PP2D1: variants seen among roughly 807,000 people sequenced by gnomAD.
PP2D1 encodes protein phosphatase 2C-like domain-containing protein 1.
In PP2D1, 25 loss-of-function variants were observed where a neutral mutation model predicts 30.2. The ratio of observed to expected loss-of-function variants is 0.83; its 90% CI spans 0.60 to 1.16. The LOEUF (loss-of-function observed/expected upper bound fraction) is 1.16. Ranked by LOEUF, PP2D1 falls within the 50% of genes most tolerant of loss-of-function variation. PP2D1 has a pLI of 0.00. For synonymous variants in PP2D1, 260 were observed against 258.9 expected, an observed-to-expected ratio of 1.00 and a Z score of -0.04; for missense variants, 760 against 742.4, an observed-to-expected ratio of 1.02 and a Z score of -0.28.
At chr3:19,990,841 AT>A (rs1697110855) in intron 2 of PP2D1, among the ~76,000 whole-genome samples, 2 of 151,204 alleles carry the variant, frequency 1.3e-5, no homozygotes, top group Non-Finnish European at 2.9e-5. Context: ...GTAGAGGAAG[AT>A]TATTAAATAT....
At chr3:20,011,280 G>C (rs1167429693) in intron 1 of PP2D1, among the ~76,000 whole-genome samples, 1 of 152,060 alleles carries the variant, frequency 6.6e-6, no homozygotes, top group Non-Finnish European at 1.5e-5. Context: ...TATTTTAATT[G>C]CTATTTTTTG....
At chr3:19,983,633 A>G, downstream of PP2D1, 2 of 1,016,754 alleles carry the variant, frequency 2.0e-6, no homozygotes, top group Non-Finnish European at 3.0e-6. Context: ...GGAAAGAAAA[A>G]TTATAGATAA....
intron 2 of PP2D1, among the ~76,000 whole-genome samples, chr3:19,992,249 G>A (rs1697127644): frequency 6.6e-6 from 1 of 152,082 alleles, no homozygotes; most frequent in African/African-American, 2.4e-5. Context: ...TACCCCTAAA[G>A]CCTAACTATA....
At chr3:19,990,308 C>G (rs1697100320) in intron 2 of PP2D1, among the ~76,000 whole-genome samples, 1 of 152,050 alleles carries the variant, frequency 6.6e-6, no homozygotes, top group Non-Finnish European at 1.5e-5. Context: ...CCACACCTGG[C>G]TAATTTCTGC....
At chr3:19,992,542 A>C (rs1449692430) in intron 2 of PP2D1, among the ~76,000 whole-genome samples, 1 of 152,218 alleles carries the variant, frequency 6.6e-6, no homozygotes, top group Non-Finnish European at 1.5e-5. Context: ...ACACCCATGG[A>C]AACAATCACA....
At chr3:19,986,461 A>C (rs1697036502) in intron 2 of PP2D1, among the ~76,000 whole-genome samples, 1 of 152,238 alleles carries the variant, frequency 6.6e-6, no homozygotes. Context: ...GTAACTTCTA[A>C]ATTTTGAAAT....
intron 2 of PP2D1, among the ~76,000 whole-genome samples, chr3:19,989,481 A>C (rs554734206): frequency 5.3e-5 from 8 of 152,356 alleles, no homozygotes; most frequent in African/African-American, 1.9e-4. Context: ...CATAGTTCTA[A>C]AGGCTATATG....
rs1697260031 is a variant in PP2D1 at position 20,001,914 on chromosome 3, C to T, written c.206G>A (p.Cys69Tyr). The T allele has an allele frequency of 6.5e-7, 1 of 1,536,434 alleles. No homozygotes were observed. The highest frequency in any genetic ancestry group is 1.2e-5 in the South Asian group (1 of 84,050). ...EQGTTLPCSI[C>Y]KHEIDLTGIF... ...ACCAGTTAGGTCAATTTCGTGCTTG[C>T]ATATGGAACAGGGTAATGTGGTCCC... is the stretch of plus-strand genomic sequence containing the variant. The change falls in exon 2 of 3, where the codon TGC (cysteine) becomes TAC (tyrosine). Residue 69 changes from cysteine to tyrosine, a missense_variant. Cys to Tyr is a radical substitution (Grantham distance 194). Transcript: ENST00000389050.
intron 2 of PP2D1, among the ~76,000 whole-genome samples, chr3:19,988,689 G>A (rs1036595000): frequency 9.2e-5 from 14 of 152,092 alleles, no homozygotes; most frequent in African/African-American, 3.1e-4. Flanking sequence ...GGGGCATCAC[G>A]GAACCTGCTG....
In PP2D1 at chr3:20,012,110, C is replaced by T; in HGVS notation, c.-38G>A. The stretch of plus-strand genomic sequence containing the variant: ...TTACCTTTCTTTGCCCTCCCTTTAT[C>T]CCCTTCCCCTGGCCTCTATTTCTCC... On this transcript the variant is annotated 5_prime_UTR_variant, in exon 1 of 3. Coordinates refer to ENST00000389050, the MANE Select transcript of PP2D1 (RefSeq NM_001252657.2). The T allele has an allele frequency of 6.6e-7, 1 of 1,508,304 alleles. No individual in the cohort carries two copies. The highest frequency in any genetic ancestry group is 8.9e-7 in the Non-Finnish European group (1 of 1,123,830). 93.4% of individuals were successfully genotyped at this position (1,508,304 alleles called of 1,614,324 possible).
chr3:20,003,100 G>T (rs1047979796), intron 1 of PP2D1, among the ~76,000 whole-genome samples: 1 of 151,708 alleles, frequency 6.6e-6, no homozygotes, highest in Non-Finnish European at 1.5e-5. Context: ...TGTACAGAAC[G>T]TAATACCTGA....
At chr3:19,998,212 C>G (rs765760003) in intron 2 of PP2D1, among the ~76,000 whole-genome samples, 1 of 152,090 alleles carries the variant, frequency 6.6e-6, no homozygotes, top group Non-Finnish European at 1.5e-5. Flanking sequence ...CACCTGTTAT[C>G]CCAGCTACTC....
At position 20,001,654 on chromosome 3, in the gene PP2D1, T is replaced by A; in HGVS notation, c.466A>T (p.Ser156Cys). The A allele has an allele frequency of 1.3e-6, 2 of 1,536,100 alleles. No homozygotes were observed. The highest frequency in any genetic ancestry group is 3.3e-4 in the Middle Eastern group (2 of 5,990). The change falls in exon 2 of 3, where the codon AGT becomes TGT. Residue 156 changes from serine (S) to cysteine (C), a missense_variant. This residue lies in a region of PP2D1 where 374 missense variants were observed against 388.8 expected (regional missense o/e 0.96). Coordinates refer to ENST00000389050, the MANE Select transcript of PP2D1 (RefSeq NM_001252657.2). ...CATATTTTTTGAGAATATATGACAC[T>A]CCTGTCAATGTTATCAAAAATCTTA... ...YYKIFDNIDRSVIYSQKICHL... is the reference protein window; with the variant it reads ...YYKIFDNIDRCVIYSQKICHL...
chr3:20,001,240 C>T lies in PP2D1; in HGVS notation c.880G>A (p.Asp294Asn). The change falls in exon 2 of 3, where the codon GAT becomes AAT. Residue 294 changes from aspartate (D) to asparagine (N), a missense_variant. Around this residue, in one of 3 missense-constraint regions of PP2D1, gnomAD observed 374 missense variants for 388.8 expected, o/e 0.96. Transcript: ENST00000389050. ...KAFAKAFWRM[D>N]RLLGLGRKEV... ...TTTCTTCCAAGACCTAAAAGCCTAT[C>T]CATTCTCCAAAATGCTTTTGCAAAG... 1 of 1,536,054 alleles carries T rather than the reference C, an allele frequency of 6.5e-7. No individual in the cohort carries two copies. The highest frequency in any genetic ancestry group is 8.7e-7 in the Non-Finnish European group (1 of 1,146,858).
chr3:19,988,949 A>G lies in PP2D1; in HGVS notation c.1091-2767T>C, dbSNP rs141602733. Among the ~76,000 whole-genome samples the G allele has an allele frequency of 3.4e-4, 51 of 151,770 alleles. No homozygotes were observed. In the East Asian group the frequency reaches 9.2e-3, roughly 27 times the overall value. Reference sequence around the variant, plus strand: ...TGCAGTAATACGAAGTCACGCCACTACACTCCAGCCTGGGTGACAAAGCAA... The same window carrying G: ...TGCAGTAATACGAAGTCACGCCACTGCACTCCAGCCTGGGTGACAAAGCAA... On this transcript the variant is annotated intron_variant, in intron 2 of 2. Transcript: ENST00000389050.
Position 19,985,453 on chromosome 3 carries a change from A to G in PP2D1, c.1820T>C (p.Leu607Pro). 8 of 1,536,160 alleles carry G rather than the reference A, an allele frequency of 5.2e-6. No individual in the cohort carries two copies. Among genetic ancestry groups the G allele is most frequent in the South Asian group, 1.2e-5 (1 of 84,062 alleles). Residue 607 changes from leucine (L) to proline (P), a missense_variant, in exon 3 of 3, where the codon CTG becomes CCG. By Grantham distance (98) the Leu-to-Pro change is moderately conservative (BLOSUM62 -3). This residue lies in a region of PP2D1 where 369 missense variants were observed against 316.2 expected (regional missense o/e 1.17). Transcript: ENST00000389050. ...VSHELVNAAL[L>P]AGSRDNITVM... ...TGTAATGTTGTCTCTGGAGCCAGCCAGTAAAGCAGCATTTACAAGTTCATG... is the reference window on the plus strand; with the variant it reads ...TGTAATGTTGTCTCTGGAGCCAGCCGGTAAAGCAGCATTTACAAGTTCATG...
chr3:19,991,972 A>G (rs1359689171), intron 2 of PP2D1, among the ~76,000 whole-genome samples: 2 of 152,210 alleles, frequency 1.3e-5, no homozygotes, highest in Non-Finnish European at 2.9e-5. Flanking sequence ...TACAATTGTA[A>G]AGGAGCATAG....
downstream of PP2D1, among the ~76,000 whole-genome samples, chr3:19,981,253 G>T (rs1177555218): frequency 2.0e-5 from 3 of 152,122 alleles, no homozygotes; most frequent in African/African-American, 7.2e-5. Flanking sequence ...AAAGTGATAT[G>T]CATTTAGTAC....
At chr3:20,000,531 T>G (rs1377288420) in intron 2 of PP2D1, among the ~76,000 whole-genome samples, 1 of 152,204 alleles carries the variant, frequency 6.6e-6, no homozygotes, top group Non-Finnish European at 1.5e-5. Flanking sequence ...CTCATAAAAC[T>G]GAGGCATGAA....
Sources: allele counts gnomAD v4.1 joint callset (sites outside exome capture counted in the v4.1 genomes callset), GRCh38; gene constraint gnomAD v4.1.1; regional missense constraint gnomAD v4.1.1; transcripts MANE v1.5; gene names NCBI Gene and HGNC (gene_info 2026-07-23, HGNC 2026-07-21).